Variants in CDC20B observed in about 807,000 individuals in gnomAD.
CDC20B encodes cell division cycle protein 20 homolog B.
CDC20B carries 58 observed loss-of-function variants against 64.1 expected under a neutral mutation model. That is an observed-to-expected ratio of 0.90 (90% CI 0.73 to 1.13). The LOEUF is 1.13. Ranked by LOEUF, CDC20B falls within the 50% of genes most tolerant of loss-of-function variation. The probability of loss-of-function intolerance (pLI) is 0.00; values close to 1 mark genes in which losing one functional copy is unlikely to be tolerated. For synonymous variants in CDC20B, 243 were observed against 230.6 expected, an observed-to-expected ratio of 1.05 and a Z score of -0.49; for missense variants, 597 against 633.0, an observed-to-expected ratio of 0.94 and a Z score of 0.61.
chr5:55,151,828 A>G (rs949756839), intron 2 of CDC20B, among the ~76,000 whole-genome samples: 2 of 152,208 alleles, frequency 1.3e-5, no homozygotes, highest in Non-Finnish European at 2.9e-5. Context: ...AAACTAGATT[A>G]GGCAGCCAAT....
In CDC20B at chr5:55,114,245, C is replaced by G. The variant is rs778966002; in HGVS notation, c.1533G>C (p.Gly511=). 1 of 1,613,838 alleles carries G rather than the reference C, an allele frequency of 6.2e-7. No individual in the cohort carries two copies. The change falls in exon 12 of 12, where the codon GGG becomes GGC. Residue 511 remains glycine, a synonymous_variant. Coordinates refer to ENST00000381375, the MANE Select transcript of CDC20B (RefSeq NM_001170402.1). The surrounding 1 kb of genome is among the most constrained non-coding windows in gnomAD (Gnocchi z 4.1). ...AGTAGCAATTCCATACAGAGGCCGT[C>G]CCATCAGCTGCAGCAGAAAACACCC... ...QTRVFSAAAD[G]TASVWNCY is the part of the protein sequence containing the mutation.
intron 8 of CDC20B, among the ~76,000 whole-genome samples, chr5:55,125,601 T>C (rs1742866256): frequency 6.6e-6 from 1 of 152,224 alleles, no homozygotes; most frequent in Non-Finnish European, 1.5e-5. Flanking sequence ...TCCTAAGCAG[T>C]GGATAATGTC....
In CDC20B at chr5:55,120,453, C is replaced by G; in HGVS notation, c.1313G>C (p.Ser438Thr). The G allele has an allele frequency of 1.2e-6, 2 of 1,613,752 alleles. No individual in the cohort carries two copies. The highest frequency in any genetic ancestry group is 2.2e-5 in the South Asian group (2 of 91,060). ...TGAGTTTGTGCTTGGGGTCTGGATG[C>G]TCTTCCCAGCATTTATATCCAAGAT... ...LHILDINAGK[S>T]IQTPSTNSQI... is the part of the protein sequence containing the mutation. Residue 438 changes from serine to threonine, a missense_variant, in exon 10 of 12, where the codon AGC (serine) becomes ACC (threonine). Around this residue, in one of 3 missense-constraint regions of CDC20B, gnomAD observed 353 missense variants for 397.0 expected, o/e 0.89. Coordinates refer to ENST00000381375, the MANE Select transcript of CDC20B (RefSeq NM_001170402.1).
At chr5:55,158,163 G>T (rs966572873) in intron 2 of CDC20B, among the ~76,000 whole-genome samples, 1 of 152,128 alleles carries the variant, frequency 6.6e-6, no homozygotes. Flanking sequence ...GGGAAGTCTG[G>T]GGTGGGGCCC....
intron 2 of CDC20B, chr5:55,165,746 C>T (rs1311348246): frequency 6.6e-6 from 1 of 152,200 alleles, no homozygotes; most frequent in Non-Finnish European, 1.5e-5. Context: ...TGTCAGAAAG[C>T]CTGCTCCTAC....
At chr5:55,119,967 A>T in intron 10 of CDC20B, 49 bp from the exon 11 acceptor site, 1 of 1,355,256 alleles carries the variant, frequency 7.4e-7, no homozygotes, top group South Asian at 1.2e-5. Context: ...CTGATTCCTT[A>T]TGAATATAGT....
chr5:55,143,844 T>G (rs1486333900), intron 3 of CDC20B, among the ~76,000 whole-genome samples: 1 of 152,112 alleles, frequency 6.6e-6, no homozygotes, highest in Non-Finnish European at 1.5e-5. Flanking sequence ...CAGAGAGCAG[T>G]ACAGAATCCT....
chr5:55,172,046 T>C (rs1332151700), intron 2 of CDC20B, among the ~76,000 whole-genome samples: 1 of 152,248 alleles, frequency 6.6e-6, no homozygotes. Flanking sequence ...TTAAAGCAGA[T>C]GAAGGCTCTT....
intron 9 of CDC20B, among the ~76,000 whole-genome samples, chr5:55,123,007 C>A (rs1313614970): frequency 6.6e-6 from 1 of 152,100 alleles, no homozygotes; most frequent in Non-Finnish European, 1.5e-5. Flanking sequence ...TGTTGCACAG[C>A]AATAGATAAC....
At chr5:55,147,650 A>C (rs901119878) in intron 2 of CDC20B, among the ~76,000 whole-genome samples, 2 of 151,788 alleles carry the variant, frequency 1.3e-5, no homozygotes, top group Non-Finnish European at 1.5e-5. Flanking sequence ...TCTATCTAAA[A>C]AACACCAAAA....
chr5:55,115,393 C>T (rs370294226), intron 11 of CDC20B, among the ~76,000 whole-genome samples: 12 of 152,162 alleles, frequency 7.9e-5, no homozygotes, highest in Admixed American at 2.6e-4. Context: ...ACAAATGTTT[C>T]GGAGATGAGG....
intron 7 of CDC20B, 28 bp downstream of exon 7, chr5:55,128,390 CATG>C: frequency 6.5e-7 from 1 of 1,536,758 alleles, no homozygotes; most frequent in Middle Eastern, 1.7e-4. Flanking sequence ...ACACAGAGAA[CATG>C]ATGAGAAAAA....
intron 1 of CDC20B, 62 bp from the exon 2 acceptor site, chr5:55,172,712 G>A (rs1207532781): frequency 8.2e-7 from 1 of 1,224,284 alleles, no homozygotes; most frequent in African/African-American, 1.5e-5. Flanking sequence ...AATTTCAGGT[G>A]TGGAATTTTT....
intron 2 of CDC20B, chr5:55,167,042 T>A (rs916619326): frequency 2.0e-5 from 3 of 151,754 alleles, no homozygotes; most frequent in African/African-American, 7.3e-5. Context: ...AGACCCTGTC[T>A]CAAAAAAGAG....
chr5:55,152,005 T>A (rs1272686607), intron 2 of CDC20B, among the ~76,000 whole-genome samples: 1 of 152,220 alleles, frequency 6.6e-6, no homozygotes, highest in Non-Finnish European at 1.5e-5. Context: ...TGCAATCACA[T>A]GTATCCCTGT....
intron 2 of CDC20B, among the ~76,000 whole-genome samples, chr5:55,148,610 G>T (rs1471137726): frequency 2.0e-5 from 3 of 152,172 alleles, no homozygotes; most frequent in East Asian, 1.9e-4. Context: ...GCTACTTGAT[G>T]GGGCTGAGGC....
chr5:55,118,861 A>G (rs1742687350), intron 11 of CDC20B, among the ~76,000 whole-genome samples: 1 of 152,168 alleles, frequency 6.6e-6, no homozygotes, highest in East Asian at 1.9e-4. Flanking sequence ...GTTGCCCACT[A>G]ATATTCTCAG....
intron 6 of CDC20B, among the ~76,000 whole-genome samples, chr5:55,132,954 C>T (rs1045565581): frequency 2.0e-5 from 3 of 152,188 alleles, no homozygotes; most frequent in African/African-American, 7.2e-5. Context: ...CCGAAGCTCA[C>T]TAAGCTCCTT....
rs903138536 is a variant in CDC20B, at chr5:55,173,150, G to A, written c.-150C>T. On this transcript the variant is annotated 5_prime_UTR_variant, in exon 1 of 12. Coordinates refer to ENST00000381375, the MANE Select transcript of CDC20B (RefSeq NM_001170402.1). ...CATTCTATTTCACCACCTCCCTCCA[G>A]GTCCCCCACTCCTCCCACCGCCGCT... The A allele has an allele frequency of 4.8e-6, 3 of 629,670 alleles. No individual in the cohort carries two copies. The highest frequency in any genetic ancestry group is 3.7e-5 in the African/African-American group (2 of 54,376). 39.0% of individuals were successfully genotyped at this position (629,670 alleles called of 1,614,324 possible).
Sources: gnomAD v4.1 joint callset for allele counts (sites outside exome capture counted in the v4.1 genomes callset) on GRCh38, gnomAD v4.1.1 for gene constraint, gnomAD v4.1.1 regional missense constraint, Gnocchi (gnomAD v3.1) non-coding constraint, MANE v1.5 for transcripts, NCBI Gene and HGNC (gene_info 2026-07-23, HGNC 2026-07-21) for gene names.